LY75: variants seen among roughly 807,000 people sequenced by gnomAD.
LY75 encodes lymphocyte antigen 75, also known as C-type lectin domain family 13 member B.
A neutral mutation model predicts 231.7 loss-of-function variants in LY75; 185 were observed. That is an observed-to-expected ratio of 0.80 (90% CI 0.71 to 0.90). The LOEUF (loss-of-function observed/expected upper bound fraction) is 0.90. Among genes scored for constraint, LY75 ranks in the 40% least tolerant of loss-of-function variants. The pLI, the probability that LY75 is intolerant of heterozygous loss-of-function variation, is 0.00. For missense variants in LY75, 1,947 were observed against 2,050.2 expected (o/e 0.95, Z 0.97); for synonymous variants, 668 against 689.0 (o/e 0.97, Z 0.48).
chr2:159,886,221 T>A (rs577342138), intron 5 of LY75, among the ~76,000 whole-genome samples, 199 bp downstream of exon 5: 23 of 151,518 alleles, frequency 1.5e-4, no homozygotes, highest in Non-Finnish European at 3.1e-4. Flanking sequence ...GTTCAAATGC[T>A]CAGTTGTCCA....
At chr2:159,861,777 G>A (rs955993253) in intron 14 of LY75, among the ~76,000 whole-genome samples, 3 of 152,016 alleles carry the variant, frequency 2.0e-5, no homozygotes, top group Admixed American at 6.6e-5. Flanking sequence ...TTTATTTTTT[G>A]TATAACTCTT....
Position 159,853,308 on chromosome 2 carries a change from T to C in LY75, c.2708A>G (p.Glu903Gly). Reference sequence around the variant, plus strand: ...AGTCTTGGCAGACATGTACAAGCATTCCTCTCCAAATGTCACAGGAAAGCG... The same window carrying C: ...AGTCTTGGCAGACATGTACAAGCATCCCTCTCCAAATGTCACAGGAAAGCG... ...WHRFPVTFGE[E>G]CLYMSAKTWL... Residue 903 changes from glutamate (E) to glycine (G), a missense_variant, in exon 20 of 35, where the codon GAA (glutamate) becomes GGA (glycine). Physicochemically the swap from Glu to Gly is moderately conservative, Grantham distance 98. Transcript: ENST00000263636. 6.2e-7 allele frequency: 1 copy of C among 1,613,530 alleles called. No homozygotes were observed. Among genetic ancestry groups the C allele is most frequent in the African/African-American group, 1.3e-5 (1 of 75,056 alleles).
At chr2:159,857,881 T>G (rs915162664) in intron 16 of LY75, among the ~76,000 whole-genome samples, 3 of 152,222 alleles carry the variant, frequency 2.0e-5, no homozygotes, top group African/African-American at 7.2e-5. Context: ...ACTATCAATC[T>G]AACTGGCTTC....
At chr2:159,874,196 T>C (rs1466601769) in intron 12 of LY75, among the ~76,000 whole-genome samples, 1 of 92,264 alleles carries the variant, frequency 1.1e-5, no homozygotes, top group East Asian at 2.7e-4. Flanking sequence ...ATAAATATAT[T>C]GTAAATATAT....
At chr2:159,877,009 C>CAAAAA (rs58831835) in intron 11 of LY75, among the ~76,000 whole-genome samples, 162 of 90,434 alleles carry the variant, frequency 1.8e-3, no homozygotes, top group Middle Eastern at 0.015. Context: ...AACTCCATCT[C>CAAAAA]AAAAAAAAAA....
At chr2:159,893,276 CT>C (rs1685813153) in intron 3 of LY75, among the ~76,000 whole-genome samples, 1 of 152,202 alleles carries the variant, frequency 6.6e-6, no homozygotes, top group Non-Finnish European at 1.5e-5. Context: ...AATTATTTCT[CT>C]ATTGCTCTTA....
intron 15 of LY75, 50 bp downstream of exon 15, chr2:159,860,771 G>C (rs1204809591): frequency 1.3e-6 from 2 of 1,599,882 alleles, no homozygotes; most frequent in Non-Finnish European, 8.6e-7. Context: ...GACTGCATAT[G>C]ATGATGGACT....
At chr2:159,844,769 A>C (rs2125849633) in intron 23 of LY75, among the ~76,000 whole-genome samples, 1 of 147,120 alleles carries the variant, frequency 6.8e-6, no homozygotes, top group South Asian at 2.2e-4. Context: ...CAGTAAGAAA[A>C]ATTTTTTAAA....
intron 28 of LY75, 114 bp downstream of exon 28, chr2:159,831,556 A>C (rs1683661439): frequency 8.7e-7 from 1 of 1,153,130 alleles, no homozygotes; most frequent in African/African-American, 1.6e-5. Flanking sequence ...TGCTAAGTAC[A>C]TAATTATACT....
At chr2:159,889,582 G>C (rs1685692662) in intron 4 of LY75, among the ~76,000 whole-genome samples, 1 of 151,944 alleles carries the variant, frequency 6.6e-6, no homozygotes, top group African/African-American at 2.4e-5. Flanking sequence ...AGTTCCAATA[G>C]GGTTTGTTAT....
intron 28 of LY75, among the ~76,000 whole-genome samples, chr2:159,823,813 G>T (rs1322832862): frequency 2.0e-5 from 3 of 152,150 alleles, no homozygotes; most frequent in African/African-American, 7.2e-5. Flanking sequence ...CTAAAGAAAA[G>T]AATTTTCAAC....
Position 159,842,358 on chromosome 2 carries a change from G to C in LY75, c.3167C>G (p.Ser1056Cys). 1 of 1,609,828 alleles carries C rather than the reference G, an allele frequency of 6.2e-7. No individual in the cohort carries two copies. Among genetic ancestry groups the C allele is most frequent in the Non-Finnish European group, 8.5e-7 (1 of 1,177,676 alleles). Reference protein sequence around the residue: ...RIPENFFEEESRYHCALILNL... With the variant: ...RIPENFFEEECRYHCALILNL... ...GAGTATTAGGGCACAGTGGTAGCGA[G>C]ACTCTTCCTCAAAAAACTAAACAAA... Residue 1056 changes from serine (S) to cysteine (C), a missense_variant, in exon 24 of 35, where the codon TCT becomes TGT. Physicochemically the swap from Ser to Cys is moderately radical, Grantham distance 112. Transcript: ENST00000263636.
intron 31 of LY75, among the ~76,000 whole-genome samples, chr2:159,811,075 A>C (rs997427293): frequency 2.0e-5 from 3 of 152,114 alleles, no homozygotes; most frequent in Admixed American, 6.5e-5. Context: ...AAGTTTCACC[A>C]TGCTGGCCAG....
At position 159,853,294 on chromosome 2, in the gene LY75, A is replaced by T. The variant is rs1684456946; in HGVS notation, c.2722T>A (p.Ser908Thr). ...TTACCGATAAGCCAAGTCTTGGCAG[A>T]CATGTACAAGCATTCCTCTCCAAAT... is the stretch of plus-strand genomic sequence containing the variant. ...VTFGEECLYM[S>T]AKTWLIDLGK... Residue 908 changes from serine (S) to threonine (T), a missense_variant, in exon 20 of 35, where the codon TCT (serine) becomes ACT (threonine). Transcript: ENST00000263636. The T allele has an allele frequency of 6.2e-7, 1 of 1,612,986 alleles. No homozygotes were observed. The highest frequency in any genetic ancestry group is 1.7e-5 in the Admixed American group (1 of 59,988).
chr2:159,845,873 T>C (rs1684186824), intron 23 of LY75, among the ~76,000 whole-genome samples: 1 of 88,010 alleles, frequency 1.1e-5, no homozygotes, highest in Non-Finnish European at 2.1e-5. Context: ...AAATACAGTA[T>C]ATATATATAC....
intron 18 of LY75, 116 bp downstream of exon 18, chr2:159,854,244 T>C (rs1445076160): frequency 2.5e-6 from 2 of 791,462 alleles, no homozygotes; most frequent in Non-Finnish European, 3.4e-6. Flanking sequence ...GTGAGGCAGA[T>C]TTTACATTAA....
intron 25 of LY75, among the ~76,000 whole-genome samples, chr2:159,836,997 T>A (rs893240137): frequency 3.9e-5 from 6 of 152,268 alleles, no homozygotes; most frequent in Admixed American, 3.3e-4. Context: ...TAATTGATCT[T>A]AATTTAACTC....
At chr2:159,896,065 G>A (rs1444129038) in intron 2 of LY75, among the ~76,000 whole-genome samples, 1 of 152,194 alleles carries the variant, frequency 6.6e-6, no homozygotes, top group African/African-American at 2.4e-5. Context: ...GCAAATTAAT[G>A]TCATCAGTAA....
chr2:159,876,340 C>T (rs1279828745), intron 11 of LY75, among the ~76,000 whole-genome samples: 1 of 152,176 alleles, frequency 6.6e-6, no homozygotes, highest in Non-Finnish European at 1.5e-5. Flanking sequence ...CATTACATCA[C>T]ACTGCCTGAA....
Sources: allele counts gnomAD v4.1 joint callset (sites outside exome capture counted in the v4.1 genomes callset), GRCh38; gene constraint gnomAD v4.1.1; transcripts MANE v1.5; gene names NCBI Gene and HGNC (gene_info 2026-07-23, HGNC 2026-07-21).